CTIF: variants seen among roughly 807,000 people sequenced by gnomAD.
CTIF encodes CBP80/20-dependent translation initiation factor.
In CTIF, 21 loss-of-function variants were observed where a neutral mutation model predicts 66.0. The ratio of observed to expected loss-of-function variants is 0.32; its 90% CI spans 0.23 to 0.46. The LOEUF (loss-of-function observed/expected upper bound fraction) is 0.46. Ranked by LOEUF, CTIF falls within the 20% of genes least tolerant of loss-of-function variation. The pLI is 1.00. For missense variants in CTIF, 739 were observed against 812.7 expected (o/e 0.91, Z 1.10); for synonymous variants, 345 against 326.4 (o/e 1.06, Z -0.62).
At chr18:48,542,221 C>A (rs908450125) in intron 1 of CTIF, among the ~76,000 whole-genome samples, 2 of 152,212 alleles carry the variant, frequency 1.3e-5, no homozygotes, top group Non-Finnish European at 2.9e-5. Flanking sequence ...GAATGGATAG[C>A]AGCTGTGATA....
chr18:48,798,910 C>A (rs1262658204), intron 9 of CTIF, among the ~76,000 whole-genome samples: 1 of 152,152 alleles, frequency 6.6e-6, no homozygotes, highest in Non-Finnish European at 1.5e-5. Flanking sequence ...CAGGACAGCA[C>A]CCCCCAAGAA....
intron 1 of CTIF, among the ~76,000 whole-genome samples, chr18:48,614,876 T>G (rs946031140): frequency 2.0e-5 from 3 of 151,620 alleles, no homozygotes; most frequent in Non-Finnish European, 4.4e-5. Flanking sequence ...TGGTTGGTTG[T>G]TTTTTTTGTT....
intron 2 of CTIF, among the ~76,000 whole-genome samples, chr18:48,622,281 G>A (rs538772790): frequency 3.2e-4 from 49 of 152,276 alleles, no homozygotes; most frequent in Admixed American, 2.8e-3. Flanking sequence ...GAAAGATGGT[G>A]GGGGTGTGGC....
chr18:48,638,946 G>A (rs922270039), intron 3 of CTIF, among the ~76,000 whole-genome samples: 2 of 152,254 alleles, frequency 1.3e-5, no homozygotes, highest in African/African-American at 4.8e-5. Flanking sequence ...GGCCTTAGGG[G>A]CACTGGCATT....
chr18:48,769,129 T>C (rs1036384229), intron 9 of CTIF, among the ~76,000 whole-genome samples: 2 of 152,166 alleles, frequency 1.3e-5, no homozygotes, highest in Non-Finnish European at 2.9e-5. Context: ...CCTCTCCCTC[T>C]TCTCAGACCC....
chr18:48,794,435 C>A (rs1415181866), intron 9 of CTIF, among the ~76,000 whole-genome samples: 3 of 152,194 alleles, frequency 2.0e-5, no homozygotes, highest in African/African-American at 7.2e-5. Flanking sequence ...TCCCAAACAG[C>A]AAACCTGGCC....
intron 3 of CTIF, among the ~76,000 whole-genome samples, chr18:48,648,509 A>C (rs1347092889): frequency 1.3e-5 from 2 of 151,704 alleles, no homozygotes; most frequent in Non-Finnish European, 2.9e-5. Context: ...ACACAAACAC[A>C]CACATGGTGT....
chr18:48,826,141 C>T (rs771506234), intron 10 of CTIF: 5 of 152,212 alleles, frequency 3.3e-5, no homozygotes, highest in African/African-American at 9.7e-5. Context: ...GAGAATAATA[C>T]TCATCCTGTG....
chr18:48,769,684 C>G (rs1909917341), intron 9 of CTIF, among the ~76,000 whole-genome samples: 1 of 152,246 alleles, frequency 6.6e-6, no homozygotes, highest in African/African-American at 2.4e-5. Flanking sequence ...TGTTCTTTGC[C>G]CCTGCGGCCA....
At chr18:48,631,276 C>A (rs1213156012) in intron 2 of CTIF, among the ~76,000 whole-genome samples, 1 of 152,072 alleles carries the variant, frequency 6.6e-6, no homozygotes, top group African/African-American at 2.4e-5. Context: ...CCATCCAGGG[C>A]AACATGGTGA....
chr18:48,849,880 G>A (rs1007627869), intron 10 of CTIF, among the ~76,000 whole-genome samples: 8 of 152,050 alleles, frequency 5.3e-5, no homozygotes, highest in African/African-American at 1.4e-4. Context: ...CACCGTGCCC[G>A]GCCCATTTTA....
chr18:48,589,048 T>C (rs891205323), intron 1 of CTIF, among the ~76,000 whole-genome samples: 1 of 152,142 alleles, frequency 6.6e-6, no homozygotes, highest in African/African-American at 2.4e-5. Flanking sequence ...CCCAACTTTT[T>C]AAGAAAACCA....
chr18:48,638,133 C>T (rs1019443166), intron 3 of CTIF, among the ~76,000 whole-genome samples: 6 of 152,050 alleles, frequency 3.9e-5, no homozygotes, highest in African/African-American at 7.2e-5. Flanking sequence ...TGGTCTAGGC[C>T]CTGCTCCTCA....
At chr18:48,806,389 A>G (rs1461951321) in intron 9 of CTIF, among the ~76,000 whole-genome samples, 1 of 152,146 alleles carries the variant, frequency 6.6e-6, no homozygotes, top group Non-Finnish European at 1.5e-5. Flanking sequence ...CTAGCAGTAA[A>G]TAAAAGTGCA....
chr18:48,719,167 T>G (rs1043148974), intron 7 of CTIF, among the ~76,000 whole-genome samples: 3 of 152,258 alleles, frequency 2.0e-5, no homozygotes, highest in Non-Finnish European at 2.9e-5. Flanking sequence ...TTGACACTGC[T>G]GTGGCTTCTG....
rs144182399 is a variant in CTIF at position 48,708,303 on chromosome 18, A to G, written c.508-3316A>G. ...TTCTCCTTTCTTCTGCTGGCCTCAC[A>G]CTTGCCCCCTGTTAACACCCAAGTG... On this transcript the variant is annotated intron_variant, in intron 6 of 11. Coordinates refer to ENST00000256413, the MANE Select transcript of CTIF (RefSeq NM_014772.3). 2.9e-3 allele frequency among the ~76,000 whole-genome samples: 438 copies of G among 152,310 alleles called. 1 individual carries two copies. Among genetic ancestry groups the G allele is most frequent in the Non-Finnish European group, 5.0e-3 (343 of 68,016 alleles).
chr18:48,767,041 G>T (rs1909634479), intron 9 of CTIF, among the ~76,000 whole-genome samples: 1 of 139,212 alleles, frequency 7.2e-6, no homozygotes, highest in Non-Finnish European at 1.6e-5. Flanking sequence ...ACACTTCGCA[G>T]TTCAGCCTGT....
chr18:48,587,409 C>T (rs965863461), intron 1 of CTIF, among the ~76,000 whole-genome samples: 1 of 152,126 alleles, frequency 6.6e-6, no homozygotes. Context: ...ACGAAAACTC[C>T]AAGCCATTGA....
At position 48,559,218 on chromosome 18, in the gene CTIF, G is replaced by T. The variant is rs546110614; in HGVS notation, c.-29+19906G>T. 1.3e-3 allele frequency among the ~76,000 whole-genome samples: 85 copies of T among 64,872 alleles called. 2 individuals carry two copies. In the South Asian group the frequency reaches 0.026, roughly 20 times the overall value. The allele number at this position is 64,872 out of a possible 152,430, so 42.6% of individuals were successfully genotyped here. A position where few individuals can be genotyped will look rare whatever the true frequency, so the allele number is the denominator to read the frequency against. On this transcript the variant is annotated intron_variant, in intron 1 of 11. Transcript: ENST00000256413. Reference sequence around the variant, plus strand: ...CATACAAATTTTAAAAAAGTTTGTTGTTGTTTTTTTTTTTACTTAAAAAAT... The same window carrying T: ...CATACAAATTTTAAAAAAGTTTGTTTTTGTTTTTTTTTTTACTTAAAAAAT...
Sources: allele counts gnomAD v4.1 joint callset (sites outside exome capture counted in the v4.1 genomes callset), GRCh38; gene constraint gnomAD v4.1.1; transcripts MANE v1.5; gene names NCBI Gene and HGNC (gene_info 2026-07-23, HGNC 2026-07-21).